LRPPRC: variants seen among roughly 807,000 people sequenced by gnomAD.
LRPPRC encodes the protein leucine-rich PPR motif-containing protein, mitochondrial.
Under a neutral mutation model 180.3 loss-of-function variants are expected in LRPPRC, and 120 were observed. That is an observed-to-expected ratio of 0.67 (90% confidence interval 0.57 to 0.77). The LOEUF (loss-of-function observed/expected upper bound fraction) is 0.77. Among genes scored for constraint, LRPPRC ranks in the 30% least tolerant of loss-of-function variants. LRPPRC has a pLI of 0.00. For synonymous variants in LRPPRC, 723 were observed against 600.0 expected, an observed-to-expected ratio of 1.21 and a Z score of -3.00; for missense variants, 2,012 against 1,657.2, an observed-to-expected ratio of 1.21 and a Z score of -3.72.
At chr2:43,929,984 A>T (rs1286571070) in intron 25 of LRPPRC, among the ~76,000 whole-genome samples, 1 of 143,312 alleles carries the variant, frequency 7.0e-6, no homozygotes, top group Non-Finnish European at 1.5e-5. Context: ...AAACAAACAA[A>T]CCCTAGCTCT....
rs1044982324 is a variant in LRPPRC, at chr2:43,890,849, G to C, written c.3986-973C>G. On this transcript the variant is annotated intron_variant, in intron 36 of 37. Coordinates refer to ENST00000260665, the MANE Select transcript of LRPPRC (RefSeq NM_133259.4). ...GTGGCTGATTTGTGGAAATTTTTTA[G>C]TTTACCATGGAGATGGTAAGGGCTC... Among the ~76,000 whole-genome samples the C allele has an allele frequency of 2.6e-5, 4 of 152,208 alleles. No homozygotes were observed. The East Asian group carries it at 5.8e-4, about 22-fold the overall frequency.
chr2:43,915,198 A>ACACTCTCTCTCTCTCTCTCT (rs1671406280), intron 29 of LRPPRC, among the ~76,000 whole-genome samples: 1 of 63,388 alleles, frequency 1.6e-5, no homozygotes, highest in Non-Finnish European at 3.8e-5. Flanking sequence ...ACAGAACAAG[A>ACACTCTCTCTCTCTCTCTCT]CTCTCTCTCT....
At chr2:43,897,933 A>AGTAG (rs1232970653) in intron 34 of LRPPRC, among the ~76,000 whole-genome samples, 1 of 152,098 alleles carries the variant, frequency 6.6e-6, no homozygotes, top group Non-Finnish European at 1.5e-5. Flanking sequence ...TTATACCCCT[A>AGTAG]GTAGGTACTT....
intron 23 of LRPPRC, among the ~76,000 whole-genome samples, chr2:43,936,930 GTTA>G (rs1672297980): frequency 6.6e-6 from 1 of 152,126 alleles, no homozygotes. Flanking sequence ...CACAGGTTCG[GTTA>G]TTGCCTTTCT....
In LRPPRC at chr2:43,934,235, G is replaced by C. The variant is rs1007765133; in HGVS notation, c.2691C>G (p.Ala897=). Residue 897 remains alanine, a synonymous_variant, in exon 25 of 38, where the codon GCC becomes GCG. Coordinates refer to ENST00000260665, the MANE Select transcript of LRPPRC (RefSeq NM_133259.4). ...CTTTGTAATTTCCTGTTTGTAGGAA[G>C]GCAAAGAAGAGATCATAGAGCATCA... The part of the protein sequence containing the change: ...EMVMLYDLFF[A]FLQTGNYKEA... 1.9e-6 allele frequency: 3 copies of C among 1,612,244 alleles called. No homozygotes were observed. The highest frequency in any genetic ancestry group is 1.7e-6 in the Non-Finnish European group (2 of 1,178,724).
intron 32 of LRPPRC, 148 bp downstream of exon 32, chr2:43,901,169 TATA>T: frequency 1.5e-6 from 1 of 654,922 alleles, no homozygotes; most frequent in Non-Finnish European, 2.7e-6. Context: ...TTTTTCAACA[TATA>T]ATTATTCCCT....
chr2:43,922,019 A>C (rs962083389), intron 27 of LRPPRC, among the ~76,000 whole-genome samples: 42 of 152,246 alleles, frequency 2.8e-4, no homozygotes. Flanking sequence ...AATGTTTGTC[A>C]TATAGAAATA....
chr2:43,988,693 C>T (rs1312707492), intron 1 of LRPPRC, among the ~76,000 whole-genome samples: 1 of 152,092 alleles, frequency 6.6e-6, no homozygotes, highest in Non-Finnish European at 1.5e-5. Context: ...CACCCGCCAC[C>T]ACGCCCAGCT....
At chr2:43,947,818 G>T (rs549070856) in intron 18 of LRPPRC, 43 bp from the exon 19 acceptor site, 3 of 1,257,928 alleles carry the variant, frequency 2.4e-6, no homozygotes, top group Non-Finnish European at 3.5e-6. Context: ...GAAAACACAC[G>T]TAAAAATACA....
At chr2:43,993,401 A>C (rs972238174) in intron 1 of LRPPRC, among the ~76,000 whole-genome samples, 4 of 152,230 alleles carry the variant, frequency 2.6e-5, no homozygotes, top group African/African-American at 9.6e-5. Flanking sequence ...TCAAAAATAC[A>C]ATAAAAAAAT....
intron 9 of LRPPRC, 32 bp from the exon 10 acceptor site, chr2:43,973,932 T>A (rs1275481331): frequency 7.6e-7 from 1 of 1,322,594 alleles, no homozygotes; most frequent in South Asian, 1.2e-5. Flanking sequence ...ATTAGCTGGA[T>A]TGGCAAACAC....
intron 21 of LRPPRC, 57 bp from the exon 22 acceptor site, chr2:43,945,474 C>G: frequency 1.1e-6 from 1 of 948,730 alleles, no homozygotes; most frequent in Non-Finnish European, 1.7e-6. Context: ...GCTAAAAGAA[C>G]AGCAACATCC....
At chr2:43,959,014 A>G (rs1023167050) in intron 13 of LRPPRC, 3 of 494,394 alleles carry the variant, frequency 6.1e-6, no homozygotes, top group African/African-American at 3.9e-5. Context: ...CATTAAAAAG[A>G]TGACCAGAAA....
chr2:43,959,079 C>G, intron 13 of LRPPRC: 1 of 598,960 alleles, frequency 1.7e-6, no homozygotes, highest in Non-Finnish European at 3.0e-6. Context: ...TAGCAACAAA[C>G]AAGCCTGAAA....
intron 29 of LRPPRC, among the ~76,000 whole-genome samples, chr2:43,916,900 G>A (rs1671488119): frequency 6.9e-6 from 1 of 144,582 alleles, no homozygotes; most frequent in Admixed American, 7.2e-5. Context: ...AACCATGATT[G>A]CGCCACTGCA....
At chr2:43,911,345 A>G (rs1237266515) in intron 30 of LRPPRC, among the ~76,000 whole-genome samples, 1 of 151,914 alleles carries the variant, frequency 6.6e-6, no homozygotes, top group Middle Eastern at 3.2e-3. Flanking sequence ...TAAAACACAG[A>G]CACTAAATAC....
chr2:43,941,619 G>A (rs1672483530), intron 23 of LRPPRC, among the ~76,000 whole-genome samples: 1 of 151,926 alleles, frequency 6.6e-6, no homozygotes, highest in Non-Finnish European at 1.5e-5. Context: ...TCCATCAGTT[G>A]GAGAAAACAC....
chr2:43,919,873 T>C (rs1671633708), intron 27 of LRPPRC, among the ~76,000 whole-genome samples: 1 of 151,850 alleles, frequency 6.6e-6, no homozygotes, highest in Admixed American at 6.6e-5. Flanking sequence ...AGGGGTTTGT[T>C]TTACAGCACA....
intron 6 of LRPPRC, among the ~76,000 whole-genome samples, chr2:43,975,749 A>T (rs947741230): frequency 2.0e-4 from 30 of 151,812 alleles, no homozygotes; most frequent in African/African-American, 7.3e-4. Context: ...TGCCCGGCTA[A>T]ATTTTTATAT....
Sources: gnomAD v4.1 joint callset for allele counts (sites outside exome capture counted in the v4.1 genomes callset) on GRCh38, gnomAD v4.1.1 for gene constraint, MANE v1.5 for transcripts, NCBI Gene and HGNC (gene_info 2026-07-23, HGNC 2026-07-21) for gene names.